Variants in TNRC18 observed in about 807,000 individuals in gnomAD.
The protein encoded by TNRC18 is trinucleotide repeat containing 18.
Under a neutral mutation model 226.7 loss-of-function variants are expected in TNRC18, and 69 were observed. The ratio of observed to expected loss-of-function variants is 0.30; its 90% CI spans 0.25 to 0.37. The LOEUF is 0.37. TNRC18 is among the 10% of genes least tolerant of loss of function. The pLI, the probability that TNRC18 is intolerant of heterozygous loss-of-function variation, is 1.00. For synonymous variants in TNRC18, 2,449 were observed against 1,927.6 expected, an observed-to-expected ratio of 1.27 and a Z score of -7.09; for missense variants, 4,754 against 4,256.6, an observed-to-expected ratio of 1.12 and a Z score of -3.25.
chr7:5,384,437 A>C (rs543627938), intron 5 of TNRC18, among the ~76,000 whole-genome samples: 1 of 152,156 alleles, frequency 6.6e-6, no homozygotes, highest in Non-Finnish European at 1.5e-5. Context: ...ATCAGCACCA[A>C]CAGAGAAGAG....
At chr7:5,350,789 T>C (rs1583870832) in intron 17 of TNRC18, among the ~76,000 whole-genome samples, 1 of 152,196 alleles carries the variant, frequency 6.6e-6, no homozygotes, top group Non-Finnish European at 1.5e-5. Context: ...AGAACCGAGG[T>C]GGCTGAGGAC....
At chr7:5,393,881 T>C (rs2128201976) in intron 3 of TNRC18, among the ~76,000 whole-genome samples, 1 of 151,928 alleles carries the variant, frequency 6.6e-6, no homozygotes, top group East Asian at 1.9e-4. Flanking sequence ...CTCTGGGAAA[T>C]TTTTTTTGTG....
intron 29 of TNRC18, among the ~76,000 whole-genome samples, chr7:5,308,517 TAGAC>T (rs1013772302): frequency 6.7e-5 from 10 of 150,062 alleles, no homozygotes; most frequent in African/African-American, 1.2e-4. Flanking sequence ...GAGACAAGGA[TAGAC>T]AGACCAAGAG....
chr7:5,382,301 G>A (rs891612043), intron 5 of TNRC18, among the ~76,000 whole-genome samples: 7 of 152,142 alleles, frequency 4.6e-5, no homozygotes, highest in East Asian at 1.9e-4. Context: ...CGTCACTGCC[G>A]CCCCCTCTCT....
chr7:5,414,330 ATAGATATTT>A (rs1782025314), intron 2 of TNRC18, among the ~76,000 whole-genome samples: 1 of 150,822 alleles, frequency 6.6e-6, no homozygotes, highest in Non-Finnish European at 1.5e-5. Context: ...TAGATATAAA[ATAGATATTT>A]TTTCTTTTCC....
At position 5,306,936 on chromosome 7, in the gene TNRC18, C is replaced by G. The variant is rs1469439759; in HGVS notation, c.*1170G>C. 6.6e-6 allele frequency: 1 copy of G among 151,358 alleles called. No individual in the cohort carries two copies. The highest frequency in any genetic ancestry group is 2.4e-5 in the African/African-American group (1 of 41,278). 9.4% of individuals were successfully genotyped at this position (151,358 alleles called of 1,614,324 possible). On this transcript the variant is annotated 3_prime_UTR_variant, in exon 30 of 30. Transcript: ENST00000430969. Reference sequence around the variant, plus strand: ...AACCCAAAGTCTGGCTTTTCCTTCCCTCAAGATTGTCTGGTTGAGGCCTTG... The same window carrying G: ...AACCCAAAGTCTGGCTTTTCCTTCCGTCAAGATTGTCTGGTTGAGGCCTTG...
At chr7:5,345,958 C>A (rs1377331075) in intron 17 of TNRC18, 148 bp from the exon 18 acceptor site, 16 of 1,217,008 alleles carry the variant, frequency 1.3e-5, no homozygotes, top group Admixed American at 2.9e-5. Flanking sequence ...GCAGACCCAG[C>A]CCACGGGTTC....
In TNRC18 at chr7:5,390,470, G is replaced by A. The variant is rs750913141; in HGVS notation, c.487+15C>T. On this transcript the variant is annotated intron_variant, in intron 4 of 29. Coordinates refer to ENST00000430969, the MANE Select transcript of TNRC18 (RefSeq NM_001080495.3). Reference sequence around the variant, plus strand: ...AGGCCCCTGTGCCACCCCCAACCCCGGACTCCAGTCTTACCTCCTCCTGGC... The same window carrying A: ...AGGCCCCTGTGCCACCCCCAACCCCAGACTCCAGTCTTACCTCCTCCTGGC... 8.1e-5 allele frequency: 130 copies of A among 1,612,482 alleles called. No homozygotes were observed. In the Admixed American group the frequency reaches 1.4e-3, roughly 17 times the overall value.
At chr7:5,385,494 CAAAAAAAA>C (rs60919833) in intron 5 of TNRC18, among the ~76,000 whole-genome samples, 2 of 88,096 alleles carry the variant, frequency 2.3e-5, no homozygotes, top group Non-Finnish European at 4.8e-5. Flanking sequence ...GACTCCGTCT[CAAAAAAAA>C]AAAAAAAAAA....
At chr7:5,402,865 T>A (rs4386873) in intron 2 of TNRC18, among the ~76,000 whole-genome samples, 121,293 of 138,656 alleles carry the variant, frequency 0.87, 51,985 homozygotes, top group East Asian at 0.97. Flanking sequence ...AAAAAAAAAA[T>A]ATATTTATGG....
At position 5,356,937 on chromosome 7, in the gene TNRC18, C is replaced by T; in HGVS notation, c.5173G>A (p.Glu1725Lys). The T allele has an allele frequency of 6.5e-7, 1 of 1,549,372 alleles. No homozygotes were observed. Among genetic ancestry groups the T allele is most frequent in the Non-Finnish European group, 8.7e-7 (1 of 1,145,780 alleles). Residue 1725 changes from glutamate (E) to lysine (K), a missense_variant, in exon 16 of 30, where the codon GAA becomes AAA. By Grantham distance (56) the Glu-to-Lys change is moderately conservative. Transcript: ENST00000430969. ...TTACTGTAAGAGTAGCTGCTCACTT[C>T]CGAGGCAAACGGGGAATGGGCCGAC... ...PKSAHSPFASEVSSYSYNTDS... is the reference protein window; with the variant it reads ...PKSAHSPFASKVSSYSYNTDS...
At chr7:5,396,348 A>G (rs1048637297) in intron 2 of TNRC18, among the ~76,000 whole-genome samples, 1 of 150,820 alleles carries the variant, frequency 6.6e-6, no homozygotes, top group Admixed American at 6.6e-5. Context: ...ACTCCGTCTC[A>G]AAAAAAAACA....
intron 5 of TNRC18, among the ~76,000 whole-genome samples, chr7:5,384,976 C>G (rs1013149162): frequency 7.2e-5 from 11 of 152,382 alleles, no homozygotes; most frequent in Non-Finnish European, 1.0e-4. Flanking sequence ...GCCCCACCTC[C>G]CAACTCAAAA....
At chr7:5,334,797 G>C (rs1789920115) in intron 18 of TNRC18, among the ~76,000 whole-genome samples, 1 of 152,040 alleles carries the variant, frequency 6.6e-6, no homozygotes, top group Non-Finnish European at 1.5e-5. Context: ...GTGCAGGGAG[G>C]GACAGTAGAC....
chr7:5,399,244 C>T (rs566237729), intron 2 of TNRC18, among the ~76,000 whole-genome samples: 2 of 152,272 alleles, frequency 1.3e-5, no homozygotes, highest in South Asian at 4.1e-4. Flanking sequence ...ACTGGCCTCT[C>T]GAAAGACTTG....
intron 17 of TNRC18, among the ~76,000 whole-genome samples, chr7:5,346,523 C>T (rs1791215721): frequency 6.6e-6 from 1 of 152,176 alleles, no homozygotes. Flanking sequence ...ATAAAGTTGA[C>T]CCCAGCCGGG....
At chr7:5,379,244 G>A (rs1444684195) in intron 5 of TNRC18, among the ~76,000 whole-genome samples, 1 of 151,702 alleles carries the variant, frequency 6.6e-6, no homozygotes, top group African/African-American at 2.4e-5. Context: ...ACAAAAATTA[G>A]GCGGGCATGG....
chr7:5,390,764 T>G, intron 3 of TNRC18, 136 bp from the exon 4 acceptor site: 6 of 1,014,874 alleles, frequency 5.9e-6, no homozygotes, highest in Non-Finnish European at 8.4e-6. Flanking sequence ...CAGCAGCTCC[T>G]CAGGGCAATG....
At chr7:5,396,602 G>T (rs1780708178) in intron 2 of TNRC18, among the ~76,000 whole-genome samples, 1 of 152,198 alleles carries the variant, frequency 6.6e-6, no homozygotes, top group African/African-American at 2.4e-5. Flanking sequence ...GCACCGTGCA[G>T]CTGATTTCAA....
Sources: gnomAD v4.1 joint callset for allele counts (sites outside exome capture counted in the v4.1 genomes callset) on GRCh38, gnomAD v4.1.1 for gene constraint, MANE v1.5 for transcripts, NCBI Gene and HGNC (gene_info 2026-07-23, HGNC 2026-07-21) for gene names.